USP42: variants seen among roughly 807,000 people sequenced by gnomAD.
USP42 encodes the protein ubiquitin specific peptidase 42, also known as ubiquitin carboxyl-terminal hydrolase 42.
In USP42, 23 loss-of-function variants were observed where a neutral mutation model predicts 113.0. That is an observed-to-expected ratio of 0.20 (90% CI 0.15 to 0.29). The LOEUF (loss-of-function observed/expected upper bound fraction) is 0.29, where lower values mean the gene tolerates loss of function less well. Ranked by LOEUF, USP42 falls within the 10% of genes least tolerant of loss-of-function variation. The pLI, the probability that USP42 is intolerant of heterozygous loss-of-function variation, is 1.00. For missense variants in USP42, 2,174 were observed against 1,779.8 expected (o/e 1.22, Z -3.99); for synonymous variants, 933 against 699.0 (o/e 1.33, Z -5.28).
intron 3 of USP42, among the ~76,000 whole-genome samples, chr7:6,128,439 C>T (rs965379477): frequency 6.6e-6 from 1 of 151,996 alleles, no homozygotes; most frequent in Non-Finnish European, 1.5e-5. Context: ...AATTTTTTCC[C>T]TGCTTTGTTT....
chr7:6,092,082 C>CT, the USP42 span, among the ~76,000 whole-genome samples: 4 of 59,512 alleles, frequency 6.7e-5, no homozygotes, highest in Admixed American at 2.0e-4. Flanking sequence ...CTTCCTCTTC[C>CT]TCTTCTTCTT....
chr7:6,084,807 C>T, the USP42 span: 457 of 150,842 alleles, frequency 3.0e-3, 3 homozygotes, highest in Non-Finnish European at 5.1e-3. Flanking sequence ...CAACCTCCAC[C>T]TCCCGGGTTC....
the USP42 span, among the ~76,000 whole-genome samples, chr7:6,095,776 A>G: frequency 6.6e-6 from 1 of 150,548 alleles, no homozygotes; most frequent in African/African-American, 2.5e-5. Context: ...GGGTATTTCG[A>G]TTTTTGTTTT....
intron 1 of USP42, among the ~76,000 whole-genome samples, chr7:6,108,772 C>G (rs905426146): frequency 2.6e-5 from 4 of 152,180 alleles, no homozygotes; most frequent in African/African-American, 9.6e-5. Context: ...AGCCACTGCG[C>G]CCAGCCTCAA....
rs1283884570 is a variant in USP42, at chr7:6,161,464, A to T, written c.*946A>T. On this transcript the variant is annotated 3_prime_UTR_variant, in exon 18 of 18. Transcript: ENST00000306177. The stretch of plus-strand genomic sequence containing the variant: ...AGTTTGTGTTGTTCAGAGATGTTTA[A>T]AGTTTGATCTTTGTTTTTCTAAAGA... The T allele has an allele frequency of 6.6e-6, 1 of 152,578 alleles. No homozygotes were observed. The highest frequency in any genetic ancestry group is 1.9e-4 in the East Asian group (1 of 5,190). The allele number at this position is 152,578 out of a possible 1,614,324, so 9.5% of individuals were successfully genotyped here.
intron 14 of USP42, among the ~76,000 whole-genome samples, chr7:6,151,560 C>A (rs1464284168): frequency 2.0e-5 from 3 of 152,162 alleles, no homozygotes; most frequent in African/African-American, 7.2e-5. Flanking sequence ...GACTCAGCCT[C>A]CTGAGTAGCT....
chr7:6,124,978 C>G (rs375587591), intron 3 of USP42, among the ~76,000 whole-genome samples: 1 of 150,716 alleles, frequency 6.6e-6, no homozygotes, highest in Admixed American at 6.6e-5. Flanking sequence ...GTCAGGAATT[C>G]GAGACCAGCC....
At chr7:6,104,399 A>G (rs1291808310), upstream of USP42, among the ~76,000 whole-genome samples, 1 of 152,210 alleles carries the variant, frequency 6.6e-6, no homozygotes, top group African/African-American at 2.4e-5. Flanking sequence ...GTTTCTAAGA[A>G]ACAAAAAATA....
At chr7:6,131,262 G>A (rs1327362115) in intron 3 of USP42, among the ~76,000 whole-genome samples, 1 of 152,090 alleles carries the variant, frequency 6.6e-6, no homozygotes, top group East Asian at 1.9e-4. Context: ...GATCACTTGA[G>A]CCCAGGAGTC....
At chr7:6,147,450 A>G (rs1485671358) in intron 11 of USP42, among the ~76,000 whole-genome samples, 2 of 152,226 alleles carry the variant, frequency 1.3e-5, no homozygotes, top group African/African-American at 4.8e-5. Flanking sequence ...TCTCAAAAAA[A>G]GGAAAATATA....
In USP42 at chr7:6,149,439, CAG is replaced by C. The variant is rs890346317; in HGVS notation, c.1387-140_1387-139del. On this transcript the variant is annotated intron_variant, in intron 12 of 17. Coordinates refer to ENST00000306177, the MANE Select transcript of USP42 (RefSeq NM_032172.3). ...CGCGGGTAGGAGGGATTGAGAAAAACAGAGAACATTTCCAGGTGTATGAAACT... is the reference window on the plus strand; with the variant it reads ...CGCGGGTAGGAGGGATTGAGAAAAACAGAACATTTCCAGGTGTATGAAACT... The C allele has an allele frequency of 8.6e-5, 91 of 1,055,012 alleles. No individual in the cohort carries two copies. The African/African-American group carries it at 1.1e-3, about 12-fold the overall frequency. The allele number at this position is 1,055,012 out of a possible 1,614,324, so 65.4% of individuals were successfully genotyped here.
At chr7:6,107,233 G>A (rs1166983088) in intron 1 of USP42, among the ~76,000 whole-genome samples, 1 of 152,056 alleles carries the variant, frequency 6.6e-6, no homozygotes, top group African/African-American at 2.4e-5. Context: ...CCTTTTAAAA[G>A]GTAATTGGAG....
At chr7:6,132,010 G>T (rs1004646348) in intron 3 of USP42, among the ~76,000 whole-genome samples, 1 of 152,148 alleles carries the variant, frequency 6.6e-6, no homozygotes, top group South Asian at 2.1e-4. Flanking sequence ...ATAGCTCATT[G>T]CAGCCTCAAC....
At chr7:6,111,509 A>C in intron 2 of USP42, 135 bp downstream of exon 2, 1 of 1,035,064 alleles carries the variant, frequency 9.7e-7, no homozygotes, top group Non-Finnish European at 1.4e-6. Context: ...GTATTACTTG[A>C]TGGGCTTTGT....
At chr7:6,122,765 C>T (rs1482646952) in intron 3 of USP42, among the ~76,000 whole-genome samples, 1 of 148,638 alleles carries the variant, frequency 6.7e-6, no homozygotes, top group South Asian at 2.1e-4. Context: ...TCACTGTGTC[C>T]AGCCTAATTT....
chr7:6,110,411 A>C (rs1310409973), intron 1 of USP42, among the ~76,000 whole-genome samples: 2 of 152,222 alleles, frequency 1.3e-5, no homozygotes, highest in Non-Finnish European at 2.9e-5. Flanking sequence ...AAAATGCTCA[A>C]TTAGTGGTAG....
At chr7:6,138,479 T>C (rs1319860341) in intron 4 of USP42, among the ~76,000 whole-genome samples, 1 of 152,204 alleles carries the variant, frequency 6.6e-6, no homozygotes, top group African/African-American at 2.4e-5. Context: ...AAACAGCCAG[T>C]TTATTCAAGT....
In USP42 at chr7:6,146,065, A is replaced by T; in HGVS notation, c.1132-83A>T. The T allele has an allele frequency of 3.5e-6, 4 of 1,158,456 alleles. No individual in the cohort carries two copies. In the East Asian group the frequency reaches 7.8e-5, roughly 23 times the overall value. The allele number at this position is 1,158,456 out of a possible 1,614,324, so 71.8% of individuals were successfully genotyped here. ...TGACAGAGTGAGACTCCATCTCAAA[A>T]AAAAAGAAAGAAATATTTCTCTTGA... On this transcript the variant is annotated intron_variant, in intron 10 of 17. Transcript: ENST00000306177.
intron 3 of USP42, among the ~76,000 whole-genome samples, chr7:6,123,966 C>T (rs1277969114): frequency 6.6e-6 from 1 of 151,942 alleles, no homozygotes; most frequent in African/African-American, 2.4e-5. Flanking sequence ...AACTCTGCCT[C>T]CTGGGTTCAA....
Sources: gnomAD v4.1 joint callset for allele counts (sites outside exome capture counted in the v4.1 genomes callset) on GRCh38, gnomAD v4.1.1 for gene constraint, MANE v1.5 for transcripts, NCBI Gene and HGNC (gene_info 2026-07-23, HGNC 2026-07-21) for gene names.